The following FANCC variants were observed in gnomAD, a reference collection of about 807,000 sequenced individuals.
FANCC encodes Fanconi anemia group C protein.
In FANCC, 55 loss-of-function variants were observed where a neutral mutation model predicts 71.3. The observed-to-expected ratio is 0.77, with a 90% CI of 0.62 to 0.97. The LOEUF is 0.97. Among genes scored for constraint, FANCC ranks in the 50% least tolerant of loss-of-function variants. The pLI, the probability that FANCC is intolerant of heterozygous loss-of-function variation, is 0.00. For synonymous variants in FANCC, 275 were observed against 244.9 expected (o/e 1.12, Z -1.15); for missense variants, 678 against 670.9 (o/e 1.01, Z -0.12).
chr9:95,105,953 A>T lies in FANCC; in HGVS notation c.1533+1113T>A, dbSNP rs565122257. ...TGAGCACTGGGCCAGATGGCCCTCC[A>T]GCCCCTGCTTTCGGCTCTCTGGGTT... On this transcript the variant is annotated intron_variant, in intron 14 of 14. Coordinates refer to ENST00000289081, the MANE Select transcript of FANCC (RefSeq NM_000136.3). Among the ~76,000 whole-genome samples the T allele has an allele frequency of 1.7e-4, 26 of 152,346 alleles. No homozygotes were observed. In the South Asian group the frequency reaches 5.4e-3, roughly 32 times the overall value.
intron 1 of FANCC, among the ~76,000 whole-genome samples, chr9:95,282,120 T>TA (rs1158460148): frequency 6.6e-5 from 10 of 150,860 alleles, no homozygotes; most frequent in East Asian, 1.9e-4. Context: ...TAAATGGATT[T>TA]AAAAAAAAAG....
At chr9:95,240,567 C>G (rs1830575508) in intron 4 of FANCC, 82 bp downstream of exon 4, 2 of 957,658 alleles carry the variant, frequency 2.1e-6, no homozygotes, top group African/African-American at 3.2e-5. Context: ...TGGATTCCAC[C>G]CCACCCCAAA....
At chr9:95,147,036 T>G (rs1455374875) in intron 7 of FANCC, among the ~76,000 whole-genome samples, 1 of 150,348 alleles carries the variant, frequency 6.7e-6, no homozygotes, top group Non-Finnish European at 1.5e-5. Context: ...TGTATGTATA[T>G]ATACAGTGTA....
intron 7 of FANCC, among the ~76,000 whole-genome samples, chr9:95,144,986 G>A: frequency 6.6e-6 from 1 of 152,110 alleles, no homozygotes. Context: ...TAGAAAAAAG[G>A]CCATTTTATT....
At chr9:95,262,602 C>T (rs1030548433) in intron 1 of FANCC, among the ~76,000 whole-genome samples, 3 of 152,128 alleles carry the variant, frequency 2.0e-5, no homozygotes, top group Non-Finnish European at 2.9e-5. Context: ...TACCATTGAT[C>T]CAGCAATCCC....
intron 1 of FANCC, 60 bp from the exon 2 acceptor site, chr9:95,249,429 G>C: frequency 1.2e-6 from 1 of 822,654 alleles, no homozygotes; most frequent in Non-Finnish European, 2.0e-6. Flanking sequence ...GTGCCTTCAC[G>C]ACCCATTGAT....
chr9:95,123,600 C>T, intron 10 of FANCC: 3 of 593,416 alleles, frequency 5.1e-6, no homozygotes, highest in Middle Eastern at 2.8e-4. Flanking sequence ...ACGAACTGTG[C>T]CCAATGTGTG....
intron 6 of FANCC, among the ~76,000 whole-genome samples, chr9:95,164,463 A>C (rs1830946520): frequency 6.6e-6 from 1 of 152,090 alleles, no homozygotes; most frequent in African/African-American, 2.4e-5. Flanking sequence ...ACTTTACTAC[A>C]TTGAGGTCAT....
chr9:95,314,100 C>CA (rs1835589132), intron 1 of FANCC, among the ~76,000 whole-genome samples: 1 of 151,726 alleles, frequency 6.6e-6, no homozygotes, highest in Non-Finnish European at 1.5e-5. Context: ...ATTAATCAGG[C>CA]AAAAAAGAAA....
At chr9:95,165,967 A>C (rs767856468) in intron 6 of FANCC, among the ~76,000 whole-genome samples, 1 of 152,050 alleles carries the variant, frequency 6.6e-6, no homozygotes, top group Non-Finnish European at 1.5e-5. Flanking sequence ...TTAAGTGCAT[A>C]TATTATTGTA....
intron 4 of FANCC, among the ~76,000 whole-genome samples, chr9:95,225,663 G>A (rs921987979): frequency 1.3e-5 from 2 of 152,018 alleles, no homozygotes; most frequent in Non-Finnish European, 2.9e-5. Flanking sequence ...TCTTGATCTG[G>A]CCCATCTGAG....
At chr9:95,156,788 C>A (rs1199235617) in intron 6 of FANCC, among the ~76,000 whole-genome samples, 1 of 152,130 alleles carries the variant, frequency 6.6e-6, no homozygotes, top group African/African-American at 2.4e-5. Flanking sequence ...ACCATGATAA[C>A]CTTTGCAAAA....
At chr9:95,124,509 TACTG>T (rs1246457582) in intron 10 of FANCC, among the ~76,000 whole-genome samples, 3 of 152,198 alleles carry the variant, frequency 2.0e-5, no homozygotes, top group Non-Finnish European at 4.4e-5. Flanking sequence ...GCCTTTGGTT[TACTG>T]ACTGTGTCTA....
chr9:95,102,277 T>G (rs1160430310), intron 14 of FANCC, among the ~76,000 whole-genome samples: 1 of 152,234 alleles, frequency 6.6e-6, no homozygotes, highest in Non-Finnish European at 1.5e-5. Flanking sequence ...AAATACCACC[T>G]GTTTTCACAG....
intron 1 of FANCC, chr9:95,293,459 T>C (rs1834180094): frequency 6.4e-7 from 1 of 1,571,840 alleles, no homozygotes; most frequent in African/African-American, 1.4e-5. Context: ...AAATTGCTGA[T>C]CCTGTTGCTG....
At chr9:95,165,705 C>A (rs570482240) in intron 6 of FANCC, among the ~76,000 whole-genome samples, 18 of 152,152 alleles carry the variant, frequency 1.2e-4, no homozygotes, top group Non-Finnish European at 1.3e-4. Context: ...AACATGTGGT[C>A]TTTCCTACAG....
In FANCC at chr9:95,150,230, G is replaced by T; in HGVS notation, c.522-143C>A. ...AGAGAATGACTCTAACACCATCGAT[G>T]AACACTTCTCTTTTATCCAATTCTT... On this transcript the variant is annotated intron_variant, in intron 6 of 14. Coordinates refer to ENST00000289081, the MANE Select transcript of FANCC (RefSeq NM_000136.3). 6 of 758,130 alleles carry T rather than the reference G, an allele frequency of 7.9e-6. No homozygotes were observed. In the South Asian group the frequency reaches 8.3e-5, roughly 10 times the overall value. 47.0% of individuals were successfully genotyped at this position (758,130 alleles called of 1,614,324 possible). A position where few individuals can be genotyped will look rare whatever the true frequency, so the allele number is the denominator to read the frequency against.
chr9:95,305,444 T>G (rs1271263154), intron 1 of FANCC, among the ~76,000 whole-genome samples: 4 of 152,212 alleles, frequency 2.6e-5, no homozygotes, highest in Non-Finnish European at 4.4e-5. Flanking sequence ...CTACCTTGTC[T>G]AGATGAAAGA....
chr9:95,289,836 T>A (rs751728544), intron 1 of FANCC, among the ~76,000 whole-genome samples: 25 of 151,930 alleles, frequency 1.6e-4, no homozygotes, highest in Non-Finnish European at 2.5e-4. Flanking sequence ...TATTTTTATT[T>A]TTTGTGGAGA....
Sources: gnomAD v4.1 joint callset for allele counts (sites outside exome capture counted in the v4.1 genomes callset) on GRCh38, gnomAD v4.1.1 for gene constraint, MANE v1.5 for transcripts, NCBI Gene and HGNC (gene_info 2026-07-23, HGNC 2026-07-21) for gene names.